The following ADCY3 variants were observed in gnomAD, a reference collection of about 807,000 sequenced individuals.
ADCY3 encodes the protein adenylate cyclase type 3.
A neutral mutation model predicts 119.4 loss-of-function variants in ADCY3; 70 were observed. That is an observed-to-expected ratio of 0.59 (90% CI 0.48 to 0.72). The LOEUF (loss-of-function observed/expected upper bound fraction) is 0.72, where lower values mean the gene tolerates loss of function less well. Among genes scored for constraint, ADCY3 ranks in the 30% least tolerant of loss-of-function variants. The pLI, the probability that ADCY3 is intolerant of heterozygous loss-of-function variation, is 0.00. For missense variants in ADCY3, 1,238 were observed against 1,541.6 expected, an observed-to-expected ratio of 0.80 and a Z score of 3.30; for synonymous variants, 672 against 621.4, an observed-to-expected ratio of 1.08 and a Z score of -1.21.
In ADCY3 at chr2:24,841,346, T is replaced by G; in HGVS notation, c.1109A>C (p.Tyr370Ser). The G allele has an allele frequency of 6.2e-7, 1 of 1,604,556 alleles. No individual in the cohort carries two copies. The highest frequency in any genetic ancestry group is 2.2e-5 in the East Asian group (1 of 44,628). ...GTCGGGCAAGCCGCAGATGCAGTAG[T>G]AGCAGTCGCCCAGGATCTTAATCCG... Reference protein sequence around the residue: ...QLRIKILGDCYYCICGLPDYR... With the variant: ...QLRIKILGDCSYCICGLPDYR... Residue 370 changes from tyrosine to serine, a missense_variant, in exon 6 of 22, where the codon TAC becomes TCC. Transcript: ENST00000679454. The surrounding 1 kb of genome is among the most constrained non-coding windows in gnomAD (Gnocchi z 5.8).
At chr2:24,915,185 G>A (rs1018182749) in intron 2 of ADCY3, among the ~76,000 whole-genome samples, 1 of 152,206 alleles carries the variant, frequency 6.6e-6, no homozygotes, top group Non-Finnish European at 1.5e-5. Context: ...AGAAATCCAG[G>A]TGTCTATTTC....
Position 24,842,593 on chromosome 2 carries a change from G to A in ADCY3, c.826-209C>T, listed in dbSNP as rs537554100. On this transcript the variant is annotated intron_variant, in intron 3 of 21. Transcript: ENST00000679454. The surrounding 1 kb of genome is among the most constrained non-coding windows in gnomAD (Gnocchi z 4.9). ...CCCTGACAAGGCTGAGGGTGGCAAT[G>A]GCCCCTTCAGAGCAACTGAGGGGAG... 1.9e-5 allele frequency: 11 copies of A among 593,938 alleles called. No individual in the cohort carries two copies. The highest frequency in any genetic ancestry group is 9.3e-5 in the African/African-American group (5 of 53,618). The allele number at this position is 593,938 out of a possible 1,614,324, so 36.8% of individuals were successfully genotyped here. A position where few individuals can be genotyped will look rare whatever the true frequency, so the allele number is the denominator to read the frequency against.
intron 2 of ADCY3, among the ~76,000 whole-genome samples, chr2:24,900,111 CTT>C (rs1300645984): frequency 7.0e-6 from 1 of 143,054 alleles, no homozygotes. Flanking sequence ...ATGAAGTTGC[CTT>C]TTTTTTTTTC....
intron 2 of ADCY3, among the ~76,000 whole-genome samples, chr2:24,887,570 C>G (rs1572996099): frequency 6.6e-6 from 1 of 152,064 alleles, no homozygotes; most frequent in Non-Finnish European, 1.5e-5. Context: ...CTGAGGGTGC[C>G]TGGTTCCCCC....
At chr2:24,874,198 T>G (rs554777089) in intron 2 of ADCY3, among the ~76,000 whole-genome samples, 1 of 152,308 alleles carries the variant, frequency 6.6e-6, no homozygotes, top group East Asian at 1.9e-4. Context: ...AAGGGCCCGT[T>G]GCGTGACGAA....
Position 24,918,363 on chromosome 2 carries a change from C to T in ADCY3, c.625G>A (p.Val209Met). The part of the protein sequence containing the change: ...VVHTLVLGVT[V>M]AQQQQEELKG... ...AGCTCCTCCTGCTGCTGCTGGGCCA[C>T]GGTGACCCCCAGGACCAACGTGTGC... is the stretch of plus-strand genomic sequence containing the variant. The change falls in exon 2 of 22, where the codon GTG becomes ATG. Residue 209 changes from valine to methionine, a missense_variant. Physicochemically the swap from Val to Met is conservative, Grantham distance 21. Coordinates refer to ENST00000679454, the MANE Select transcript of ADCY3 (RefSeq NM_004036.5). The surrounding 1 kb of genome is among the most constrained non-coding windows in gnomAD (Gnocchi z 5.4). 2 of 1,603,484 alleles carry T rather than the reference C, an allele frequency of 1.2e-6. No homozygotes were observed. The highest frequency in any genetic ancestry group is 1.7e-6 in the Non-Finnish European group (2 of 1,174,358).
Position 24,839,949 on chromosome 2 carries a change from G to C in ADCY3, c.1279C>G (p.Gln427Glu), listed in dbSNP as rs1670801443. 1.2e-6 allele frequency: 2 copies of C among 1,613,744 alleles called. No individual in the cohort carries two copies. Among genetic ancestry groups the C allele is most frequent in the Non-Finnish European group, 1.7e-6 (2 of 1,180,028 alleles). ...CACACGTCGTACTGCCAGCGCTTCT[G>C]GCCCAGGACGCCCCCCAGCACGGTG... ...TGTVLGGVLGQKRWQYDVWST... is the reference protein window; with the variant it reads ...TGTVLGGVLGEKRWQYDVWST... Residue 427 changes from glutamine (Q) to glutamate (E), a missense_variant, in exon 7 of 22, where the codon CAG becomes GAG. Transcript: ENST00000679454.
chr2:24,882,306 C>T (rs985114552), intron 2 of ADCY3, among the ~76,000 whole-genome samples: 18 of 152,268 alleles, frequency 1.2e-4, no homozygotes, highest in African/African-American at 3.9e-4. Context: ...TATCCTAACC[C>T]AGGGATTACT....
chr2:24,915,900 G>C (rs979632242), intron 2 of ADCY3, among the ~76,000 whole-genome samples: 7 of 152,130 alleles, frequency 4.6e-5, no homozygotes, highest in Non-Finnish European at 8.8e-5. Context: ...GAAGACCCTG[G>C]TGGGTGGGCC....
rs547749459 is a variant in ADCY3 at position 24,860,437 on chromosome 2, T to C, written c.825+12133A>G. Among the ~76,000 whole-genome samples, 3 of 152,316 alleles carry C rather than the reference T, an allele frequency of 2.0e-5. No individual in the cohort carries two copies. The Middle Eastern group carries it at 0.01, about 518-fold the overall frequency. Reference sequence around the variant, plus strand: ...ATGGCACTGCCTGCGAAGCCAGATATGTGTTCGGCAGAGGCAAAGAGGACG... The same window carrying C: ...ATGGCACTGCCTGCGAAGCCAGATACGTGTTCGGCAGAGGCAAAGAGGACG... On this transcript the variant is annotated intron_variant, in intron 3 of 21. Coordinates refer to ENST00000679454, the MANE Select transcript of ADCY3 (RefSeq NM_004036.5).
intron 3 of ADCY3, among the ~76,000 whole-genome samples, chr2:24,870,574 T>C (rs1674869603): frequency 6.6e-6 from 1 of 152,138 alleles, no homozygotes; most frequent in Non-Finnish European, 1.5e-5. Flanking sequence ...CTCTCCATCC[T>C]GGGGCCAATG....
chr2:24,830,243 G>T (rs1297650666), intron 13 of ADCY3, among the ~76,000 whole-genome samples: 2 of 151,472 alleles, frequency 1.3e-5, no homozygotes, highest in African/African-American at 2.4e-5. Flanking sequence ...GTTTCACCAT[G>T]TTGGCCAGGC....
At chr2:24,823,175 C>T (rs1668043045) in intron 18 of ADCY3, 34 bp downstream of exon 18, 3 of 1,594,990 alleles carry the variant, frequency 1.9e-6, no homozygotes, top group South Asian at 1.1e-5. Context: ...GGGCCGGCTT[C>T]ATGGCCAGAG....
chr2:24,822,323 G>C (rs1572774718), intron 19 of ADCY3, 188 bp downstream of exon 19: 1 of 792,664 alleles, frequency 1.3e-6, no homozygotes, highest in East Asian at 2.8e-5. Flanking sequence ...TTGTGTGTCT[G>C]TTCTGTTTCT....
intron 7 of ADCY3, among the ~76,000 whole-genome samples, chr2:24,839,400 C>T (rs982595309): frequency 1.6e-4 from 24 of 152,346 alleles, no homozygotes; most frequent in African/African-American, 4.8e-4. Flanking sequence ...CCCTCAGCCT[C>T]GCCCTGCTAA....
chr2:24,902,874 A>G (rs1679064839), intron 2 of ADCY3, among the ~76,000 whole-genome samples: 1 of 152,136 alleles, frequency 6.6e-6, no homozygotes, highest in African/African-American at 2.4e-5. Context: ...TACTAAAAAC[A>G]CAAAAAATTA....
At chr2:24,911,854 G>T (rs1663727135) in intron 2 of ADCY3, among the ~76,000 whole-genome samples, 1 of 152,062 alleles carries the variant, frequency 6.6e-6, no homozygotes, top group African/African-American at 2.4e-5. Context: ...CCGCCTAATG[G>T]GTTCTTTTAT....
In ADCY3 at chr2:24,878,051, CTATT is replaced by C. The variant is rs1675936664; in HGVS notation, c.676-5336_676-5333del. 3 of 341,278 alleles carry C rather than the reference CTATT, an allele frequency of 8.8e-6. No homozygotes were observed. Among genetic ancestry groups the C allele is most frequent in the South Asian group, 5.0e-5 (2 of 40,348 alleles). 21.1% of individuals were successfully genotyped at this position (341,278 alleles called of 1,614,324 possible). A position where few individuals can be genotyped will look rare whatever the true frequency, so the allele number is the denominator to read the frequency against. ...CAGAGGTCCACAGCCCCTGGGGTCTCTATTTATAGATCTTTTTACAAGTTTCTTA... is the reference window on the plus strand; with the variant it reads ...CAGAGGTCCACAGCCCCTGGGGTCTCTATAGATCTTTTTACAAGTTTCTTA... On this transcript the variant is annotated intron_variant, in intron 2 of 21. Transcript: ENST00000679454. This position sits in a 1 kb window ranked among gnomAD's most constrained non-coding sequence, Gnocchi z 4.0.
At chr2:24,851,269 G>A (rs1672259368) in intron 3 of ADCY3, among the ~76,000 whole-genome samples, 1 of 152,074 alleles carries the variant, frequency 6.6e-6, no homozygotes, top group Non-Finnish European at 1.5e-5. Context: ...CAAAATGGGG[G>A]TGGGGGAAGG....
Sources: gnomAD v4.1 joint callset for allele counts (sites outside exome capture counted in the v4.1 genomes callset) on GRCh38, gnomAD v4.1.1 for gene constraint, Gnocchi (gnomAD v3.1) non-coding constraint, MANE v1.5 for transcripts, NCBI Gene and HGNC (gene_info 2026-07-23, HGNC 2026-07-21) for gene names.